Variants in THSD7B observed in about 807,000 individuals in gnomAD.
The protein encoded by THSD7B is thrombospondin type-1 domain-containing protein 7B.
Under a neutral mutation model 213.6 loss-of-function variants are expected in THSD7B, and 138 were observed. The observed-to-expected ratio is 0.65, with a 90% CI of 0.56 to 0.74. The LOEUF (loss-of-function observed/expected upper bound fraction) is 0.74, where lower values mean the gene tolerates loss of function less well. Among genes scored for constraint, THSD7B ranks in the 30% least tolerant of loss-of-function variants. The pLI is 0.00. For missense variants in THSD7B, 1,931 were observed against 1,991.5 expected, an observed-to-expected ratio of 0.97 and a Z score of 0.58; for synonymous variants, 742 against 687.0, an observed-to-expected ratio of 1.08 and a Z score of -1.25.
intron 20 of THSD7B, among the ~76,000 whole-genome samples, chr2:137,626,510 T>G (rs1682635034): frequency 6.6e-6 from 1 of 151,836 alleles, no homozygotes; most frequent in East Asian, 1.9e-4. Context: ...CCTTCAGGGC[T>G]TTTTTTCCAT....
chr2:137,498,408 T>G (rs969694678), intron 15 of THSD7B, among the ~76,000 whole-genome samples: 1 of 152,118 alleles, frequency 6.6e-6, no homozygotes, highest in African/African-American at 2.4e-5. Context: ...AATCAAGTAG[T>G]TCTGAAACTT....
At chr2:136,889,561 C>T (rs1683779316) in intron 2 of THSD7B, among the ~76,000 whole-genome samples, 1 of 152,226 alleles carries the variant, frequency 6.6e-6, no homozygotes, top group African/African-American at 2.4e-5. Flanking sequence ...TGCTGTGCAC[C>T]TGCATCCTTT....
At chr2:137,459,156 CT>C (rs202013925) in intron 15 of THSD7B, among the ~76,000 whole-genome samples, 53 of 151,298 alleles carry the variant, frequency 3.5e-4, no homozygotes, top group Admixed American at 1.6e-3. Flanking sequence ...AGTACAGTAT[CT>C]TTTAAAAAAA....
chr2:137,535,153 G>A (rs1398335596), intron 15 of THSD7B, among the ~76,000 whole-genome samples: 1 of 151,570 alleles, frequency 6.6e-6, no homozygotes, highest in African/African-American at 2.4e-5. Context: ...TTTACTCCTG[G>A]TTAATGTTTT....
chr2:137,063,358 T>G (rs2104883533), intron 3 of THSD7B, among the ~76,000 whole-genome samples: 1 of 152,066 alleles, frequency 6.6e-6, no homozygotes, highest in Non-Finnish European at 1.5e-5. Context: ...TTGCTCCTTT[T>G]TAATTTTAAT....
intron 12 of THSD7B, among the ~76,000 whole-genome samples, chr2:137,304,510 G>T (rs1299993893): frequency 3.3e-5 from 5 of 151,936 alleles, no homozygotes; most frequent in Non-Finnish European, 7.4e-5. Flanking sequence ...AGTGAAAAAA[G>T]ACTTTTAAAG....
In THSD7B at chr2:137,177,986, G is replaced by A. The variant is rs181720378; in HGVS notation, c.1723+7048G>A. ...TTCGGGAGGCTGAGACAGGAGAATC[G>A]CTTGAACCTGGGAGGCGGAGGTTGC... On this transcript the variant is annotated intron_variant, in intron 7 of 27. Coordinates refer to ENST00000409968, the MANE Select transcript of THSD7B (RefSeq NM_001316349.2). 1.1e-4 allele frequency among the ~76,000 whole-genome samples: 16 copies of A among 150,146 alleles called. No homozygotes were observed. The South Asian group carries it at 1.3e-3, about 12-fold the overall frequency.
chr2:137,579,533 C>T (rs112616446), intron 17 of THSD7B, among the ~76,000 whole-genome samples: 48 of 135,128 alleles, frequency 3.6e-4, no homozygotes, highest in Non-Finnish European at 4.2e-4. Context: ...CACACACGCG[C>T]GTGCGCACAC....
At chr2:137,268,212 G>C (rs1035968380) in intron 10 of THSD7B, among the ~76,000 whole-genome samples, 1 of 151,982 alleles carries the variant, frequency 6.6e-6, no homozygotes, top group African/African-American at 2.4e-5. Flanking sequence ...ATGCAGGTTT[G>C]TTAAGTAAGT....
chr2:136,770,152 C>A (rs1204535645), intron 1 of THSD7B, among the ~76,000 whole-genome samples: 1 of 152,176 alleles, frequency 6.6e-6, no homozygotes, highest in East Asian at 1.9e-4. Flanking sequence ...AACTTCGTGG[C>A]AGTTAGGCAC....
At chr2:137,057,594 G>C (rs1238044525) in intron 3 of THSD7B, among the ~76,000 whole-genome samples, 1 of 152,182 alleles carries the variant, frequency 6.6e-6, no homozygotes, top group African/African-American at 2.4e-5. Context: ...AATTTCAAAT[G>C]TGGGATATGA....
At chr2:137,146,073 T>C (rs1227211637) in intron 5 of THSD7B, among the ~76,000 whole-genome samples, 1 of 152,102 alleles carries the variant, frequency 6.6e-6, no homozygotes, top group African/African-American at 2.4e-5. Context: ...CAACTTTTTA[T>C]AACATGTCTG....
chr2:137,374,468 G>A (rs1381060595), intron 12 of THSD7B, among the ~76,000 whole-genome samples: 1 of 152,158 alleles, frequency 6.6e-6, no homozygotes, highest in Non-Finnish European at 1.5e-5. Context: ...AGTTATAGAA[G>A]GACGTGAAAG....
At chr2:137,663,851 T>G (rs576014411) in intron 26 of THSD7B, among the ~76,000 whole-genome samples, 2 of 152,328 alleles carry the variant, frequency 1.3e-5, no homozygotes, top group South Asian at 4.1e-4. Context: ...TTGAAAAATC[T>G]TTCTTTTTTC....
chr2:137,182,152 A>C (rs1553476983), intron 7 of THSD7B, among the ~76,000 whole-genome samples: 1 of 152,186 alleles, frequency 6.6e-6, no homozygotes, highest in Non-Finnish European at 1.5e-5. Context: ...ATGAAAGGGA[A>C]AGTATAACTA....
chr2:137,241,025 T>C (rs1681886949), intron 9 of THSD7B, among the ~76,000 whole-genome samples: 1 of 152,220 alleles, frequency 6.6e-6, no homozygotes, highest in Non-Finnish European at 1.5e-5. Flanking sequence ...GACTGGTGTT[T>C]TTTCAATCAT....
At chr2:137,338,396 G>C (rs969758766) in intron 12 of THSD7B, among the ~76,000 whole-genome samples, 2 of 152,014 alleles carry the variant, frequency 1.3e-5, no homozygotes, top group Admixed American at 6.6e-5. Context: ...GAATTCAAGG[G>C]TGGGAGGTGG....
chr2:136,867,639 G>T (rs1426836597), intron 1 of THSD7B, among the ~76,000 whole-genome samples: 1 of 152,178 alleles, frequency 6.6e-6, no homozygotes, highest in Non-Finnish European at 1.5e-5. Flanking sequence ...CTGATGGAAA[G>T]TTCTCTCTCT....
chr2:137,519,631 A>G (rs892340499), intron 15 of THSD7B, among the ~76,000 whole-genome samples: 1 of 152,230 alleles, frequency 6.6e-6, no homozygotes, highest in Non-Finnish European at 1.5e-5. Flanking sequence ...TGCAAATAAT[A>G]GTTTGCAGGT....
Sources: allele counts gnomAD v4.1 joint callset (sites outside exome capture counted in the v4.1 genomes callset), GRCh38; gene constraint gnomAD v4.1.1; transcripts MANE v1.5; gene names NCBI Gene and HGNC (gene_info 2026-07-23, HGNC 2026-07-21).